Variants in HIVEP3 observed in about 807,000 individuals in gnomAD.
The protein encoded by HIVEP3 is HIVEP zinc finger 3.
A neutral mutation model predicts 152.8 loss-of-function variants in HIVEP3; 49 were observed. The observed-to-expected ratio is 0.32, with a 90% CI of 0.26 to 0.41. The LOEUF is 0.41. HIVEP3 is among the 10% of genes least tolerant of loss of function. The pLI, the probability that HIVEP3 is intolerant of heterozygous loss-of-function variation, is 1.00. For missense variants in HIVEP3, 2,790 were observed against 3,103.3 expected (o/e 0.90, Z 2.40); for synonymous variants, 1,269 against 1,289.0 (o/e 0.98, Z 0.33).
intron 1 of HIVEP3, among the ~76,000 whole-genome samples, chr1:41,750,475 A>C (rs1185797220): frequency 6.6e-6 from 1 of 152,186 alleles, no homozygotes; most frequent in African/African-American, 2.4e-5. Flanking sequence ...CCTTGTTACA[A>C]GGCAGAATCA....
chr1:41,516,176 G>A (rs1642599050), intron 7 of HIVEP3, among the ~76,000 whole-genome samples: 1 of 152,278 alleles, frequency 6.6e-6, no homozygotes, highest in Non-Finnish European at 1.5e-5. Flanking sequence ...GAATGCCCCT[G>A]GCTGGGCGGC....
chr1:42,021,136 T>C (rs1400848622), intron 1 of HIVEP3, among the ~76,000 whole-genome samples: 1 of 152,164 alleles, frequency 6.6e-6, no homozygotes, highest in African/African-American at 2.4e-5. Flanking sequence ...AAAAGACTGT[T>C]CTAACGAATG....
chr1:41,569,878 C>T (rs750726177), intron 5 of HIVEP3, among the ~76,000 whole-genome samples: 3 of 152,182 alleles, frequency 2.0e-5, no homozygotes, highest in Non-Finnish European at 4.4e-5. Context: ...AAAAATGTAA[C>T]CCCTTCAACT....
chr1:41,658,590 C>T (rs977229356), intron 2 of HIVEP3, among the ~76,000 whole-genome samples: 1 of 152,200 alleles, frequency 6.6e-6, no homozygotes, highest in African/African-American at 2.4e-5. Flanking sequence ...CCCCATGAGC[C>T]TCGGGAGGCA....
intron 1 of HIVEP3, among the ~76,000 whole-genome samples, chr1:41,985,847 A>C (rs661428): frequency 0.8 from 121,334 of 152,038 alleles, 49,126 homozygotes; most frequent in East Asian, 0.96. Flanking sequence ...AGTAGATTTG[A>C]CTCCTAATAC....
At chr1:41,546,704 A>G (rs1028196989) in intron 5 of HIVEP3, among the ~76,000 whole-genome samples, 3 of 152,218 alleles carry the variant, frequency 2.0e-5, no homozygotes, top group African/African-American at 7.2e-5. Flanking sequence ...GCCTTGCTAC[A>G]GATGACCACT....
chr1:41,606,631 C>T lies in HIVEP3; in HGVS notation c.-521-21313G>A, dbSNP rs187401194. On this transcript the variant is annotated intron_variant, in intron 3 of 8. Coordinates refer to ENST00000372583, the MANE Select transcript of HIVEP3 (RefSeq NM_024503.5). ...CCTCATTTAATAATTATTTTGGGTT[C>T]CTTTTTTGATTGATGAAATAACTCC... Among the ~76,000 whole-genome samples the T allele has an allele frequency of 6.1e-3, 923 of 151,950 alleles. 8 individuals carry two copies. The highest frequency in any genetic ancestry group is 8.6e-3 in the Non-Finnish European group (587 of 68,012).
At chr1:41,640,517 G>C (rs112364104) in intron 2 of HIVEP3, among the ~76,000 whole-genome samples, 32 of 152,300 alleles carry the variant, frequency 2.1e-4, no homozygotes, top group African/African-American at 7.7e-4. Context: ...TCCATCACTG[G>C]GCTAGACCCC....
At chr1:41,705,597 G>A (rs1468039330) in intron 1 of HIVEP3, among the ~76,000 whole-genome samples, 2 of 152,326 alleles carry the variant, frequency 1.3e-5, no homozygotes, top group East Asian at 3.9e-4. Context: ...AAGAGCAGGG[G>A]GTGCTGGAAG....
At chr1:41,977,195 G>C (rs573629956) in intron 1 of HIVEP3, among the ~76,000 whole-genome samples, 1 of 152,136 alleles carries the variant, frequency 6.6e-6, no homozygotes, top group East Asian at 1.9e-4. Context: ...AGAGAAACAA[G>C]GTAAAAATAA....
intron 1 of HIVEP3, among the ~76,000 whole-genome samples, chr1:41,933,757 T>G (rs999391491): frequency 2.6e-5 from 4 of 152,050 alleles, no homozygotes; most frequent in African/African-American, 9.7e-5. Flanking sequence ...TTTTCTGACT[T>G]CTCTCGTTAG....
chr1:41,627,937 T>A (rs116293919), intron 3 of HIVEP3, among the ~76,000 whole-genome samples: 1,915 of 142,294 alleles, frequency 0.013, 46 homozygotes, highest in African/African-American at 0.044. Flanking sequence ...CTCTTTCTAA[T>A]CCCCAGCTCT....
At chr1:41,707,238 T>A (rs918499761) in intron 1 of HIVEP3, among the ~76,000 whole-genome samples, 1 of 152,186 alleles carries the variant, frequency 6.6e-6, no homozygotes, top group African/African-American at 2.4e-5. Flanking sequence ...ACCTGCTGCA[T>A]CCCTGGTCTT....
At chr1:41,864,154 A>G (rs1643926515) in intron 1 of HIVEP3, among the ~76,000 whole-genome samples, 1 of 152,102 alleles carries the variant, frequency 6.6e-6, no homozygotes, top group Non-Finnish European at 1.5e-5. Context: ...AGGGCTCAGG[A>G]TTGGGACAGG....
intron 2 of HIVEP3, among the ~76,000 whole-genome samples, chr1:41,682,940 G>A (rs1182373961): frequency 2.6e-5 from 4 of 152,342 alleles, no homozygotes; most frequent in African/African-American, 4.8e-5. Context: ...GTGCCACCAC[G>A]GAAGATGGGG....
chr1:41,650,465 T>C (rs1645531108), intron 2 of HIVEP3, among the ~76,000 whole-genome samples: 1 of 152,264 alleles, frequency 6.6e-6, no homozygotes, highest in Admixed American at 6.5e-5. Flanking sequence ...TAAATATTTG[T>C]CAAGTATTAT....
chr1:41,595,095 T>C (rs1055989912), intron 3 of HIVEP3, among the ~76,000 whole-genome samples: 1 of 152,242 alleles, frequency 6.6e-6, no homozygotes, highest in Non-Finnish European at 1.5e-5. Context: ...CCAGAATCTA[T>C]ATTTTTGCTA....
At chr1:42,017,414 G>A (rs1426165770) in intron 1 of HIVEP3, among the ~76,000 whole-genome samples, 1 of 151,968 alleles carries the variant, frequency 6.6e-6, no homozygotes, top group African/African-American at 2.4e-5. Flanking sequence ...CATACACCCA[G>A]ACCAAGAAAC....
intron 1 of HIVEP3, among the ~76,000 whole-genome samples, chr1:41,846,039 G>A (rs1643434545): frequency 6.6e-6 from 1 of 152,140 alleles, no homozygotes; most frequent in African/African-American, 2.4e-5. Context: ...ATTCCAGCCT[G>A]GGCAACAGAG....
Sources: gnomAD v4.1 joint callset for allele counts (sites outside exome capture counted in the v4.1 genomes callset) on GRCh38, gnomAD v4.1.1 for gene constraint, MANE v1.5 for transcripts, NCBI Gene and HGNC (gene_info 2026-07-23, HGNC 2026-07-21) for gene names.